Variants in PRKAA1 observed in about 807,000 individuals in gnomAD.
The protein encoded by PRKAA1 is protein kinase AMP-activated catalytic subunit alpha 1.
PRKAA1 carries 23 observed loss-of-function variants against 56.9 expected under a neutral mutation model. The observed-to-expected ratio is 0.40, with a 90% CI of 0.29 to 0.57. PRKAA1 has a LOEUF of 0.57. Ranked by LOEUF, PRKAA1 falls within the 20% of genes least tolerant of loss-of-function variation. PRKAA1 has a pLI of 0.39. For missense variants in PRKAA1, 413 were observed against 679.7 expected (o/e 0.61, Z 4.36); for synonymous variants, 226 against 227.0 (o/e 1.00, Z 0.04).
intron 1 of PRKAA1, among the ~76,000 whole-genome samples, chr5:40,795,129 C>T (rs1403820787): frequency 6.6e-6 from 1 of 151,944 alleles, no homozygotes; most frequent in Non-Finnish European, 1.5e-5. Flanking sequence ...AGTGAAGTAA[C>T]TCAGGAATGG....
In PRKAA1 at chr5:40,798,223, G is replaced by C. The variant is rs775973804; in HGVS notation, c.-34C>G. On this transcript the variant is annotated 5_prime_UTR_variant, in exon 1 of 9. Coordinates refer to ENST00000397128, the MANE Select transcript of PRKAA1 (RefSeq NM_006251.6). Reference sequence around the variant, plus strand: ...GGGAGGGGGCGGAGGGGGCGGGCAGGGCCGCGCCGGGGGCGGGCGGGGAGG... The same window carrying C: ...GGGAGGGGGCGGAGGGGGCGGGCAGCGCCGCGCCGGGGGCGGGCGGGGAGG... The C allele has an allele frequency of 1.1e-5, 3 of 271,686 alleles. No homozygotes were observed. Among genetic ancestry groups the C allele is most frequent in the Non-Finnish European group, 2.1e-5 (3 of 145,062 alleles). The allele number at this position is 271,686 out of a possible 1,614,324, so 16.8% of individuals were successfully genotyped here. A position where few individuals can be genotyped will look rare whatever the true frequency, so the allele number is the denominator to read the frequency against.
At chr5:40,768,715 G>C in intron 5 of PRKAA1, 1 of 1,297,914 alleles carries the variant, frequency 7.7e-7, no homozygotes. Context: ...AAATAAGCAT[G>C]GTTTGGGTGA....
At chr5:40,797,445 C>T (rs1266691575) in intron 1 of PRKAA1, among the ~76,000 whole-genome samples, 1 of 152,182 alleles carries the variant, frequency 6.6e-6, no homozygotes, top group East Asian at 1.9e-4. Flanking sequence ...AATACTGAAC[C>T]AGTTTATACT....
chr5:40,763,373 A>G (rs1181490898), intron 8 of PRKAA1, among the ~76,000 whole-genome samples: 1 of 152,160 alleles, frequency 6.6e-6, no homozygotes, highest in African/African-American at 2.4e-5. Context: ...GATGCACTTA[A>G]AATTTGGAGG....
chr5:40,785,982 C>T (rs1301086651), intron 1 of PRKAA1, among the ~76,000 whole-genome samples: 1 of 152,016 alleles, frequency 6.6e-6, no homozygotes, highest in Admixed American at 6.5e-5. Context: ...GGGCTGGGCA[C>T]GGTGGCTCAC....
intron 1 of PRKAA1, among the ~76,000 whole-genome samples, chr5:40,782,704 T>A (rs1744310947): frequency 6.6e-6 from 1 of 152,030 alleles, no homozygotes; most frequent in Non-Finnish European, 1.5e-5. Flanking sequence ...TGATGGGAAA[T>A]TTTATAGAAC....
intron 1 of PRKAA1, among the ~76,000 whole-genome samples, chr5:40,779,178 C>CT (rs1744158623): frequency 6.6e-6 from 1 of 151,560 alleles, no homozygotes; most frequent in Admixed American, 6.6e-5. Flanking sequence ...AATGTTATCA[C>CT]TAGACAGTCG....
intron 8 of PRKAA1, 64 bp downstream of exon 8, chr5:40,764,450 C>T: frequency 6.9e-7 from 1 of 1,447,822 alleles, no homozygotes; most frequent in Non-Finnish European, 9.3e-7. Flanking sequence ...TCAAAAGAAT[C>T]AAGGCGTAAA....
intron 2 of PRKAA1, among the ~76,000 whole-genome samples, chr5:40,775,791 C>T (rs1743974001): frequency 6.6e-6 from 1 of 152,080 alleles, no homozygotes; most frequent in Non-Finnish European, 1.5e-5. Context: ...AATAAAGTAA[C>T]ATTTGAGCTG....
At chr5:40,769,130 T>C (rs1202482980) in intron 5 of PRKAA1, among the ~76,000 whole-genome samples, 1 of 152,210 alleles carries the variant, frequency 6.6e-6, no homozygotes, top group Non-Finnish European at 1.5e-5. Context: ...TACTAGATAT[T>C]TCTGTATTAT....
intron 5 of PRKAA1, chr5:40,768,547 A>C: frequency 2.0e-6 from 2 of 992,604 alleles, no homozygotes; most frequent in Non-Finnish European, 2.4e-6. Flanking sequence ...AAAAAGATGA[A>C]ACTTGACAAA....
chr5:40,774,289 G>C (rs138414483), intron 3 of PRKAA1, among the ~76,000 whole-genome samples: 255 of 152,182 alleles, frequency 1.7e-3, no homozygotes, highest in African/African-American at 5.9e-3. Context: ...AGAACAAGAC[G>C]GAACAGAGGA....
At chr5:40,771,942 A>C in intron 3 of PRKAA1, 79 bp from the exon 4 acceptor site, 1 of 1,494,314 alleles carries the variant, frequency 6.7e-7, no homozygotes, top group Non-Finnish European at 9.0e-7. Flanking sequence ...CAACCTATAA[A>C]ATTGTCAAAA....
chr5:40,789,435 G>A (rs1579757023), intron 1 of PRKAA1, among the ~76,000 whole-genome samples: 1 of 152,260 alleles, frequency 6.6e-6, no homozygotes, highest in Non-Finnish European at 1.5e-5. Context: ...CAGCCATTTT[G>A]TAAAACAGTG....
In PRKAA1 at chr5:40,764,900, T is replaced by C. The variant is rs201118044; in HGVS notation, c.1160A>G (p.His387Arg). 1.4e-4 allele frequency: 219 copies of C among 1,614,098 alleles called. No homozygotes were observed. The highest frequency in any genetic ancestry group is 1.6e-4 in the Middle Eastern group (1 of 6,084). The change falls in exon 7 of 9, where the codon CAT (histidine) becomes CGT (arginine). Residue 387 changes from histidine to arginine, a missense_variant. Physicochemically the swap from His to Arg is conservative, Grantham distance 29 (BLOSUM62 0). Around this residue, in one of 9 missense-constraint regions of PRKAA1, gnomAD observed 50 missense variants for 87.7 expected, o/e 0.57. Coordinates refer to ENST00000397128, the MANE Select transcript of PRKAA1 (RefSeq NM_006251.6). ...FLVAETPRARHTLDELNPQKS... is the reference protein window; with the variant it reads ...FLVAETPRARRTLDELNPQKS... Reference sequence around the variant, plus strand: ...CTGTGGATTTAATTCATCAAGGGTATGGCGTGCCCTTGGTGTTTCAGCAAC... The same window carrying C: ...CTGTGGATTTAATTCATCAAGGGTACGGCGTGCCCTTGGTGTTTCAGCAAC...
intron 1 of PRKAA1, among the ~76,000 whole-genome samples, chr5:40,797,018 G>GT (rs1004507082): frequency 1.2e-4 from 18 of 151,886 alleles, no homozygotes; most frequent in African/African-American, 3.4e-4. Context: ...GCAATTAAAC[G>GT]TTTTTTTGCC....
At chr5:40,770,298 A>C (rs193864) in intron 4 of PRKAA1, among the ~76,000 whole-genome samples, 102,820 of 151,626 alleles carry the variant, frequency 0.68, 35,090 homozygotes, top group East Asian at 0.8. Context: ...CCCCATCTCC[A>C]CCAAAAATTA....
chr5:40,764,840 C>T lies in PRKAA1; in HGVS notation c.1220G>A (p.Trp407Ter). 1 of 1,614,040 alleles carries T rather than the reference C, an allele frequency of 6.2e-7. No individual in the cohort carries two copies. The highest frequency in any genetic ancestry group is 8.5e-7 in the Non-Finnish European group (1 of 1,179,972). Residue 407 changes from tryptophan (W) to a stop codon, truncating the protein, a stop_gained, in exon 7 of 9, where the codon TGG becomes TAG. Transcript: ENST00000397128. LOFTEE classifies it high-confidence loss of function. ...ACTTTGACTTCTAATTCCTAAATGC[C>T]ATTTTGCTTTCCTTACACCTTGGTG... ...SKHQGVRKAK[W>*]HLGIRSQSRP...
At chr5:40,781,789 G>A (rs1458545237) in intron 1 of PRKAA1, among the ~76,000 whole-genome samples, 1 of 152,114 alleles carries the variant, frequency 6.6e-6, no homozygotes, top group African/African-American at 2.4e-5. Flanking sequence ...TATATTAGGA[G>A]GATGGGGGTG....
Sources: gnomAD v4.1 joint callset for allele counts (sites outside exome capture counted in the v4.1 genomes callset) on GRCh38, gnomAD v4.1.1 for gene constraint, gnomAD v4.1.1 regional missense constraint, MANE v1.5 for transcripts, NCBI Gene and HGNC (gene_info 2026-07-23, HGNC 2026-07-21) for gene names.